Variants in PRKN observed in about 807,000 individuals in gnomAD.
PRKN encodes the protein E3 ubiquitin-protein ligase parkin.
A neutral mutation model predicts 59.5 loss-of-function variants in PRKN; 56 were observed. That is an observed-to-expected ratio of 0.94 (90% CI 0.76 to 1.18). PRKN has a LOEUF of 1.18. PRKN is among the 50% of genes most tolerant of loss of function. PRKN has a pLI of 0.00. For missense variants in PRKN, 657 were observed against 596.4 expected, an observed-to-expected ratio of 1.10 and a Z score of -1.06; for synonymous variants, 250 against 222.1, an observed-to-expected ratio of 1.13 and a Z score of -1.12.
At chr6:162,130,466 T>C (rs748304996) in intron 4 of PRKN, among the ~76,000 whole-genome samples, 2 of 152,138 alleles carry the variant, frequency 1.3e-5, no homozygotes, top group African/African-American at 2.4e-5. Flanking sequence ...TGATGTTAAA[T>C]CAATGTGCAT....
Position 161,471,545 on chromosome 6 carries a change from C to T in PRKN, c.1083+77309G>A, listed in dbSNP as rs888083888. The stretch of plus-strand genomic sequence containing the variant: ...GTAATGAAGAATGTATCCTCTTAGG[C>T]ACTTTCATTAACAACTTGAAAATAG... On this transcript the variant is annotated intron_variant, in intron 9 of 11. Coordinates refer to ENST00000366898, the MANE Select transcript of PRKN (RefSeq NM_004562.3). This position sits in a 1 kb window ranked among gnomAD's most constrained non-coding sequence, Gnocchi z 4.5. 3.3e-5 allele frequency among the ~76,000 whole-genome samples: 5 copies of T among 152,138 alleles called. No individual in the cohort carries two copies. The highest frequency in any genetic ancestry group is 7.2e-5 in the African/African-American group (3 of 41,434).
At chr6:161,641,975 C>T (rs1480256496) in intron 7 of PRKN, among the ~76,000 whole-genome samples, 1 of 152,126 alleles carries the variant, frequency 6.6e-6, no homozygotes, top group Non-Finnish European at 1.5e-5. Flanking sequence ...ACTTCTTTTC[C>T]CCTCCAGTGT....
intron 7 of PRKN, among the ~76,000 whole-genome samples, chr6:161,634,137 C>A (rs1430174904): frequency 6.6e-6 from 1 of 152,008 alleles, no homozygotes; most frequent in Non-Finnish European, 1.5e-5. Context: ...ATAGGTGAGT[C>A]AGAACGGAGA....
At chr6:162,168,144 T>C (rs540390094) in intron 4 of PRKN, among the ~76,000 whole-genome samples, 1 of 152,254 alleles carries the variant, frequency 6.6e-6, no homozygotes, top group African/African-American at 2.4e-5. Flanking sequence ...AAGAATAAAA[T>C]ATTTTTGATG....
intron 1 of PRKN, among the ~76,000 whole-genome samples, chr6:162,564,058 G>A (rs1779958910): frequency 6.6e-6 from 1 of 151,946 alleles, no homozygotes; most frequent in Non-Finnish European, 1.5e-5. Context: ...AAATCTAAGA[G>A]TAATTGGGCT....
intron 1 of PRKN, among the ~76,000 whole-genome samples, chr6:162,512,545 T>C (rs1384517496): frequency 6.6e-6 from 1 of 152,228 alleles, no homozygotes; most frequent in East Asian, 1.9e-4. Flanking sequence ...AGTCACAATG[T>C]TCTTTGCAGT....
chr6:161,720,906 C>T (rs975472637), intron 7 of PRKN, among the ~76,000 whole-genome samples: 1 of 151,970 alleles, frequency 6.6e-6, no homozygotes, highest in Non-Finnish European at 1.5e-5. Flanking sequence ...TTAAGTGAAC[C>T]TTATCATTTC....
At chr6:161,412,739 T>TTCAC (rs1787642957) in intron 9 of PRKN, among the ~76,000 whole-genome samples, 1 of 150,324 alleles carries the variant, frequency 6.7e-6, no homozygotes, top group Non-Finnish European at 1.5e-5. Flanking sequence ...CTATAATTCC[T>TTCAC]TCACTCACTC....
chr6:162,589,503 C>T (rs1208500122), intron 1 of PRKN, among the ~76,000 whole-genome samples: 1 of 151,348 alleles, frequency 6.6e-6, no homozygotes, highest in Admixed American at 6.6e-5. Context: ...CATAAGTACA[C>T]TTTTTTTTTG....
At chr6:162,002,971 A>T (rs993125915) in intron 5 of PRKN, among the ~76,000 whole-genome samples, 5 of 152,056 alleles carry the variant, frequency 3.3e-5, no homozygotes, top group African/African-American at 1.2e-4. Context: ...TGTAGTCGAG[A>T]GCAAATATTC....
chr6:161,940,902 T>A (rs565986638), intron 6 of PRKN, among the ~76,000 whole-genome samples: 2 of 152,306 alleles, frequency 1.3e-5, no homozygotes, highest in African/African-American at 4.8e-5. Context: ...TGTGGTCTCC[T>A]AATGCATTAG....
At chr6:162,142,169 GA>G (rs796133827) in intron 4 of PRKN, among the ~76,000 whole-genome samples, 50 of 152,048 alleles carry the variant, frequency 3.3e-4, no homozygotes, top group African/African-American at 9.6e-4. Context: ...GAAATGGATA[GA>G]AAAAAAATGA....
Position 162,301,783 on chromosome 6 carries a change from CG to C in PRKN, c.172-39019del, listed in dbSNP as rs369993772. On this transcript the variant is annotated intron_variant, in intron 2 of 11. Coordinates refer to ENST00000366898, the MANE Select transcript of PRKN (RefSeq NM_004562.3). ...ACTTCAGCAAATAAATTGGCCGGGG[CG>C]GGGGGGGGGTGCAGAATTCACTTTC... 4.5e-3 allele frequency among the ~76,000 whole-genome samples: 97 copies of C among 21,754 alleles called. 2 individuals are homozygous for C. In the East Asian group the frequency reaches 0.1, roughly 22 times the overall value. 14.3% of individuals were successfully genotyped at this position (21,754 alleles called of 152,430 possible). A position where few individuals can be genotyped will look rare whatever the true frequency, so the allele number is the denominator to read the frequency against.
chr6:162,082,733 T>C (rs956330900), intron 4 of PRKN, among the ~76,000 whole-genome samples: 1 of 151,964 alleles, frequency 6.6e-6, no homozygotes, highest in Non-Finnish European at 1.5e-5. Flanking sequence ...GAGCCCATCA[T>C]AGGACTAATT....
intron 2 of PRKN, among the ~76,000 whole-genome samples, chr6:162,289,317 C>T (rs1781325521): frequency 6.6e-6 from 1 of 152,076 alleles, no homozygotes; most frequent in African/African-American, 2.4e-5. Context: ...GGATTAAGGC[C>T]CAGCCTAATG....
chr6:162,338,089 G>C (rs1225006554), intron 2 of PRKN, among the ~76,000 whole-genome samples: 1 of 152,072 alleles, frequency 6.6e-6, no homozygotes, highest in African/African-American at 2.4e-5. Context: ...CTCTGTACTA[G>C]GACAGTGGCC....
rs369404858 is a variant in PRKN, at chr6:161,497,577, T to TCTCACACA, written c.1083+51276_1083+51277insTGTGTGAG. ...ATGTCTCTCTCTCTCTCTCTCTCTCTCACACACACACACACACACACCATA... is the reference window on the plus strand; with the variant it reads ...ATGTCTCTCTCTCTCTCTCTCTCTCTCTCACACACACACACACACACACACACACCATA... On this transcript the variant is annotated intron_variant, in intron 9 of 11. Transcript: ENST00000366898. The surrounding 1 kb of genome is among the most constrained non-coding windows in gnomAD (Gnocchi z 4.6). 7.9e-3 allele frequency among the ~76,000 whole-genome samples: 1,168 copies of TCTCACACA among 147,442 alleles called. 7 individuals are homozygous for TCTCACACA. The highest frequency in any genetic ancestry group is 0.011 in the Middle Eastern group (3 of 282).
At chr6:162,672,365 CA>C (rs1441347263) in intron 1 of PRKN, among the ~76,000 whole-genome samples, 1 of 151,912 alleles carries the variant, frequency 6.6e-6, no homozygotes, top group African/African-American at 2.4e-5. Context: ...AGGGAGAAAA[CA>C]AATCTCTGAA....
intron 1 of PRKN, among the ~76,000 whole-genome samples, chr6:162,477,290 A>C (rs1030391229): frequency 6.6e-6 from 1 of 152,150 alleles, no homozygotes; most frequent in Admixed American, 6.5e-5. Context: ...TCAGGTTTCA[A>C]ATAAAGCAGG....
Sources: gnomAD v4.1 joint callset for allele counts (sites outside exome capture counted in the v4.1 genomes callset) on GRCh38, gnomAD v4.1.1 for gene constraint, Gnocchi (gnomAD v3.1) non-coding constraint, MANE v1.5 for transcripts, NCBI Gene and HGNC (gene_info 2026-07-23, HGNC 2026-07-21) for gene names.